The following USP42 variants were observed in gnomAD, a reference collection of about 807,000 sequenced individuals.
USP42 encodes the protein ubiquitin specific peptidase 42, also known as ubiquitin carboxyl-terminal hydrolase 42.
A neutral mutation model predicts 113.0 loss-of-function variants in USP42; 23 were observed. The observed-to-expected ratio is 0.20, with a 90% CI of 0.15 to 0.29. The LOEUF is 0.29. Ranked by LOEUF, USP42 falls within the 10% of genes least tolerant of loss-of-function variation. The pLI, the probability that USP42 is intolerant of heterozygous loss-of-function variation, is 1.00. For synonymous variants in USP42, 933 were observed against 699.0 expected (o/e 1.33, Z -5.28); for missense variants, 2,174 against 1,779.8 (o/e 1.22, Z -3.99).
chr7:6,114,653 T>C (rs1473774586), intron 2 of USP42, among the ~76,000 whole-genome samples: 1 of 67,188 alleles, frequency 1.5e-5, no homozygotes, highest in Non-Finnish European at 2.5e-5. Context: ...TGTATGTGTG[T>C]GTGTATATAT....
At chr7:6,146,689 T>C (rs1781735233) in intron 11 of USP42, among the ~76,000 whole-genome samples, 1 of 152,130 alleles carries the variant, frequency 6.6e-6, no homozygotes, top group African/African-American at 2.4e-5. Flanking sequence ...CCATCAACTC[T>C]GCCATGTGCC....
At chr7:6,093,011 G>T in the USP42 span, 1 of 150,728 alleles carries the variant, frequency 6.6e-6, no homozygotes, top group African/African-American at 2.5e-5. Flanking sequence ...TACATCTAGT[G>T]TGTCTGTTTC....
the USP42 span, among the ~76,000 whole-genome samples, chr7:6,089,758 C>G: frequency 6.7e-6 from 1 of 149,596 alleles, no homozygotes; most frequent in African/African-American, 2.5e-5. Flanking sequence ...TTCTCAAACT[C>G]CTGACCTCGT....
rs928263900 is a variant in USP42 at position 6,146,264 on chromosome 7, C to G, written c.1232+16C>G. Reference sequence around the variant, plus strand: ...TTTATATCAGGTATTGTCATGAAAACAAATTGCCAGATTTTCTGGTATGTC... The same window carrying G: ...TTTATATCAGGTATTGTCATGAAAAGAAATTGCCAGATTTTCTGGTATGTC... On this transcript the variant is annotated intron_variant, in intron 11 of 17. Transcript: ENST00000306177. 1 of 1,491,360 alleles carries G rather than the reference C, an allele frequency of 6.7e-7. No homozygotes were observed. The highest frequency in any genetic ancestry group is 1.4e-5 in the African/African-American group (1 of 70,454). The allele number at this position is 1,491,360 out of a possible 1,614,324, so 92.4% of individuals were successfully genotyped here.
At chr7:6,113,002 C>G (rs1779685051) in intron 2 of USP42, among the ~76,000 whole-genome samples, 1 of 145,558 alleles carries the variant, frequency 6.9e-6, no homozygotes, top group African/African-American at 2.6e-5. Context: ...CTGCTGGGTT[C>G]AAGCAATTCT....
chr7:6,123,527 T>G (rs1780352102), intron 3 of USP42, among the ~76,000 whole-genome samples: 1 of 151,832 alleles, frequency 6.6e-6, no homozygotes, highest in South Asian at 2.1e-4. Flanking sequence ...CCAGGCGAGG[T>G]GGCGGGCGCC....
Position 6,142,976 on chromosome 7 carries a change from G to A in USP42, c.840G>A (p.Pro280=), listed in dbSNP as rs367653345. 4.3e-5 allele frequency: 69 copies of A among 1,613,850 alleles called. No homozygotes were observed. Among genetic ancestry groups the A allele is most frequent in the Middle Eastern group, 1.6e-4 (1 of 6,084 alleles). Residue 280 remains proline, a synonymous_variant, in exon 8 of 18, where the codon CCG becomes CCA. Transcript: ENST00000306177. ...AGGCATTGGAGCAGTTTGTGAAGCCGGAACAGCTTGATGGAGAAAACTCGT... is the reference window on the plus strand; with the variant it reads ...AGGCATTGGAGCAGTTTGTGAAGCCAGAACAGCTTGATGGAGAAAACTCGT... The part of the protein sequence containing the change: ...VNKALEQFVK[P]EQLDGENSYK...
the USP42 span, among the ~76,000 whole-genome samples, chr7:6,096,176 C>T: frequency 3.3e-5 from 5 of 150,942 alleles, no homozygotes; most frequent in East Asian, 9.7e-4. Flanking sequence ...TTATTATAGA[C>T]ATATAGGTAT....
At chr7:6,089,455 C>A in the USP42 span, among the ~76,000 whole-genome samples, 2 of 150,540 alleles carry the variant, frequency 1.3e-5, no homozygotes, top group Non-Finnish European at 2.9e-5. Context: ...ATTTTAAAAA[C>A]GTAATACATA....
the USP42 span, among the ~76,000 whole-genome samples, chr7:6,085,624 A>ATTT: frequency 5.4e-4 from 75 of 138,324 alleles, no homozygotes; most frequent in Admixed American, 1.7e-3. Context: ...ATATATATAT[A>ATTT]TTTTTTTTGA....
At chr7:6,092,047 CTTCTTCTTT>C in the USP42 span, among the ~76,000 whole-genome samples, 1 of 77,732 alleles carries the variant, frequency 1.3e-5, no homozygotes, top group Non-Finnish European at 2.8e-5. Context: ...TCTTCTTCTT[CTTCTTCTTT>C]CTTCTTCTTC....
At chr7:6,132,225 G>A (rs1008533269) in intron 3 of USP42, among the ~76,000 whole-genome samples, 2 of 152,076 alleles carry the variant, frequency 1.3e-5, no homozygotes, top group Non-Finnish European at 2.9e-5. Flanking sequence ...CACCTGGCCC[G>A]TTCTTTTTCT....
chr7:6,103,997 T>C (rs1044580421), upstream of USP42, among the ~76,000 whole-genome samples: 2 of 148,736 alleles, frequency 1.3e-5, no homozygotes, highest in Non-Finnish European at 3.0e-5. Context: ...GACAGGAACA[T>C]CGCTTGAGCC....
chr7:6,090,372 C>CTTTATATATATTATATAGGTTTATA, the USP42 span, among the ~76,000 whole-genome samples: 2 of 135,786 alleles, frequency 1.5e-5, no homozygotes, highest in East Asian at 2.1e-4. Flanking sequence ...ATATATATTT[C>CTTTATATATATTATATAGGTTTATA]TTTATATATA....
At chr7:6,109,575 G>C (rs1218188160) in intron 1 of USP42, among the ~76,000 whole-genome samples, 1 of 151,790 alleles carries the variant, frequency 6.6e-6, no homozygotes, top group East Asian at 1.9e-4. Flanking sequence ...TTTATTTTTA[G>C]TAGAGATGGG....
chr7:6,131,481 AC>A (rs1692060100), intron 3 of USP42, among the ~76,000 whole-genome samples: 1 of 152,152 alleles, frequency 6.6e-6, no homozygotes, highest in Admixed American at 6.6e-5. Context: ...CTCAAAAAAA[AC>A]AAACCAAACA....
chr7:6,147,002 G>A (rs577580385), intron 11 of USP42, among the ~76,000 whole-genome samples: 48 of 152,342 alleles, frequency 3.2e-4, no homozygotes, highest in South Asian at 1.9e-3. Context: ...GGCTGCATAC[G>A]CTTTTCACTC....
At chr7:6,149,477 G>GA (rs60551222) in intron 12 of USP42, 106 bp from the exon 13 acceptor site, 217,263 of 1,052,890 alleles carry the variant, frequency 0.21, 1,288 homozygotes, top group East Asian at 0.35. Flanking sequence ...TGTTAGTCCT[G>GA]AAAAAAAAAA....
upstream of USP42, among the ~76,000 whole-genome samples, chr7:6,102,771 T>TG (rs1267806167): frequency 2.0e-5 from 3 of 150,722 alleles, no homozygotes; most frequent in East Asian, 1.9e-4. Flanking sequence ...AAAGGGAACT[T>TG]GGAGTTTCTG....
Sources: gnomAD v4.1 joint callset for allele counts (sites outside exome capture counted in the v4.1 genomes callset) on GRCh38, gnomAD v4.1.1 for gene constraint, MANE v1.5 for transcripts, NCBI Gene and HGNC (gene_info 2026-07-23, HGNC 2026-07-21) for gene names.